The following ROBO2 variants were observed in gnomAD, a reference collection of about 807,000 sequenced individuals.
ROBO2 encodes roundabout guidance receptor 2.
In ROBO2, 53 loss-of-function variants were observed where a neutral mutation model predicts 160.8. The ratio of observed to expected loss-of-function variants is 0.33; its 90% confidence interval spans 0.26 to 0.41. The LOEUF is 0.41. Ranked by LOEUF, ROBO2 falls within the 10% of genes least tolerant of loss-of-function variation. ROBO2 has a pLI of 1.00. For missense variants in ROBO2, 1,577 were observed against 1,722.4 expected, an observed-to-expected ratio of 0.92 and a Z score of 1.49; for synonymous variants, 664 against 611.7, an observed-to-expected ratio of 1.09 and a Z score of -1.26.
At chr3:77,514,580 T>TA (rs2089791999) in intron 5 of ROBO2, among the ~76,000 whole-genome samples, 1 of 151,864 alleles carries the variant, frequency 6.6e-6, no homozygotes, top group African/African-American at 2.4e-5. Flanking sequence ...GCATTTTCTG[T>TA]AAAATTGTGT....
At chr3:77,235,596 C>T (rs1486960071) in intron 2 of ROBO2, among the ~76,000 whole-genome samples, 1 of 151,980 alleles carries the variant, frequency 6.6e-6, no homozygotes, top group Non-Finnish European at 1.5e-5. Context: ...ATAATAAATT[C>T]AACTATATAT....
chr3:77,285,634 G>A (rs2060534877), intron 2 of ROBO2, among the ~76,000 whole-genome samples: 1 of 152,076 alleles, frequency 6.6e-6, no homozygotes, highest in Non-Finnish European at 1.5e-5. Flanking sequence ...AAAGCATTAT[G>A]ACCTTAATGA....
chr3:75,913,716 T>C (rs1399366967), intron 1 of ROBO2, among the ~76,000 whole-genome samples: 1 of 152,240 alleles, frequency 6.6e-6, no homozygotes, highest in African/African-American at 2.4e-5. Context: ...TAGAACGTTA[T>C]CTTCCATATT....
At chr3:76,791,535 CACACACACAT>C (rs1266230536) in intron 2 of ROBO2, among the ~76,000 whole-genome samples, 7 of 151,638 alleles carry the variant, frequency 4.6e-5, no homozygotes, top group Admixed American at 2.0e-4. Context: ...CTCTCTCTCT[CACACACACAT>C]ACACACACTG....
intron 2 of ROBO2, among the ~76,000 whole-genome samples, chr3:76,355,024 TTATGTGTATGTG>T (rs59312253): frequency 1.3e-5 from 2 of 150,960 alleles, no homozygotes; most frequent in Admixed American, 6.6e-5. Context: ...ATGTGTATGT[TTATGTGTATGTG>T]TATGTGTATG....
chr3:77,602,661 G>GCCACCACCACCGCCACCACCA (rs2094452877), intron 20 of ROBO2, among the ~76,000 whole-genome samples, 170 bp downstream of exon 21: 1 of 128,242 alleles, frequency 7.8e-6, no homozygotes, highest in African/African-American at 2.9e-5. Flanking sequence ...CACCACCACC[G>GCCACCACCACCGCCACCACCA]CCACCACCAC....
intron 2 of ROBO2, among the ~76,000 whole-genome samples, chr3:76,696,658 A>G (rs927242104): frequency 2.6e-5 from 4 of 152,196 alleles, no homozygotes; most frequent in Non-Finnish European, 5.9e-5. Context: ...AAGTGACAGA[A>G]TAACTTCTTG....
At chr3:76,603,327 ATCT>A (rs2087320200) in intron 2 of ROBO2, among the ~76,000 whole-genome samples, 1 of 76,802 alleles carries the variant, frequency 1.3e-5, no homozygotes, top group Non-Finnish European at 2.4e-5. Context: ...GCGAGACTCC[ATCT>A]CCAAAAAAAA....
chr3:76,696,909 G>T (rs1301152584), intron 2 of ROBO2, among the ~76,000 whole-genome samples: 3 of 152,126 alleles, frequency 2.0e-5, no homozygotes, highest in African/African-American at 7.2e-5. Flanking sequence ...TGTGTTAAAT[G>T]ATTTTTTCTG....
At chr3:76,217,856 C>A (rs537351723) in intron 2 of ROBO2, among the ~76,000 whole-genome samples, 1 of 151,878 alleles carries the variant, frequency 6.6e-6, no homozygotes, top group Non-Finnish European at 1.5e-5. Flanking sequence ...AGAGACACAA[C>A]AAAAAAAGAG....
intron 2 of ROBO2, among the ~76,000 whole-genome samples, chr3:77,210,591 TA>T (rs138894127): frequency 0.028 from 4,298 of 152,218 alleles, 69 homozygotes; most frequent in Middle Eastern, 0.054. Flanking sequence ...ATCTCACAAA[TA>T]ATTTTTTTAT....
At chr3:77,244,877 C>CAA (rs372239209) in intron 2 of ROBO2, among the ~76,000 whole-genome samples, 125 of 109,254 alleles carry the variant, frequency 1.1e-3, no homozygotes, top group Admixed American at 1.8e-3. Flanking sequence ...AACTTAGTCT[C>CAA]AAAAAAAAAA....
At chr3:77,491,909 T>C (rs2086169366) in intron 4 of ROBO2, among the ~76,000 whole-genome samples, 1 of 152,202 alleles carries the variant, frequency 6.6e-6, no homozygotes, top group Non-Finnish European at 1.5e-5. Flanking sequence ...TTTATTGCAA[T>C]AAAATATTTA....
intron 1 of ROBO2, among the ~76,000 whole-genome samples, chr3:75,922,370 A>T (rs1947095772): frequency 6.6e-6 from 1 of 152,132 alleles, no homozygotes; most frequent in Non-Finnish European, 1.5e-5. Context: ...ATAACAGAAA[A>T]TTTTTTAAAA....
intron 2 of ROBO2, among the ~76,000 whole-genome samples, chr3:76,326,031 A>G (rs1051894522): frequency 2.0e-5 from 3 of 152,162 alleles, no homozygotes; most frequent in Admixed American, 6.5e-5. Context: ...CAAGAAAAAC[A>G]TGTTGAAAAT....
chr3:76,052,407 A>C (rs970956389), intron 2 of ROBO2, among the ~76,000 whole-genome samples: 1 of 152,078 alleles, frequency 6.6e-6, no homozygotes, highest in African/African-American at 2.4e-5. Context: ...ATTTCTGGCA[A>C]AGAAATGCCT....
At chr3:76,531,046 T>C (rs1271227760) in intron 2 of ROBO2, among the ~76,000 whole-genome samples, 5 of 152,210 alleles carry the variant, frequency 3.3e-5, no homozygotes, top group African/African-American at 1.2e-4. Context: ...GTTTTGCCTC[T>C]CAATAGATTT....
intron 2 of ROBO2, among the ~76,000 whole-genome samples, chr3:76,771,120 A>T (rs1345434128): frequency 6.6e-6 from 1 of 151,288 alleles, no homozygotes; most frequent in Non-Finnish European, 1.5e-5. Context: ...TATTCAAAAG[A>T]CCGTGCTGTT....
At chr3:77,048,304 G>A (rs954453220) in intron 1 of ROBO2, among the ~76,000 whole-genome samples, 1 of 151,854 alleles carries the variant, frequency 6.6e-6, no homozygotes, top group Non-Finnish European at 1.5e-5. Flanking sequence ...TGCCTCTTAA[G>A]GGAACTTATC....
Sources: gnomAD v4.1 joint callset for allele counts (sites outside exome capture counted in the v4.1 genomes callset) on GRCh38, gnomAD v4.1.1 for gene constraint, MANE v1.5 for transcripts, NCBI Gene and HGNC (gene_info 2026-07-23, HGNC 2026-07-21) for gene names.